ZFHX3: variants seen among roughly 807,000 people sequenced by gnomAD.
ZFHX3 encodes zinc finger homeobox protein 3.
ZFHX3 carries 42 observed loss-of-function variants against 279.1 expected under a neutral mutation model. That is an observed-to-expected ratio of 0.15 (90% CI 0.12 to 0.19). ZFHX3 has a LOEUF of 0.19. Ranked by LOEUF, ZFHX3 falls within the 10% of genes least tolerant of loss-of-function variation. ZFHX3 has a pLI of 1.00. For synonymous variants in ZFHX3, 2,293 were observed against 1,957.8 expected (o/e 1.17, Z -4.52); for missense variants, 4,981 against 4,754.0 (o/e 1.05, Z -1.40).
At chr16:73,497,654 A>G (rs7205290) in intron 2 of ZFHX3, among the ~76,000 whole-genome samples, 34,457 of 152,138 alleles carry the variant, frequency 0.23, 4,222 homozygotes, top group African/African-American at 0.32. Flanking sequence ...TGGGCAACAG[A>G]GCAAGACCCT....
chr16:72,792,624 G>GTATT (rs1211102978), intron 9 of ZFHX3, among the ~76,000 whole-genome samples: 1 of 152,112 alleles, frequency 6.6e-6, no homozygotes, highest in East Asian at 1.9e-4. Flanking sequence ...GGTAATTTTT[G>GTATT]TATTTTTAGT....
At chr16:73,442,018 G>A (rs1412129428) in intron 3 of ZFHX3, among the ~76,000 whole-genome samples, 1 of 152,122 alleles carries the variant, frequency 6.6e-6, no homozygotes, top group Non-Finnish European at 1.5e-5. Context: ...AGGACTCCAG[G>A]TCTCTCCCCT....
chr16:73,752,832 C>G (rs1406373882), intron 1 of ZFHX3, among the ~76,000 whole-genome samples: 1 of 152,212 alleles, frequency 6.6e-6, no homozygotes, highest in African/African-American at 2.4e-5. Context: ...CTAGTATGGA[C>G]ACTCTTTCAG....
At chr16:73,333,627 G>C (rs1047957240) in intron 3 of ZFHX3, among the ~76,000 whole-genome samples, 6 of 151,930 alleles carry the variant, frequency 3.9e-5, no homozygotes, top group Non-Finnish European at 2.9e-5. Flanking sequence ...GGATGTGTGG[G>C]GTAGTCAGAA....
At chr16:73,659,446 A>T (rs1029163365) in intron 2 of ZFHX3, among the ~76,000 whole-genome samples, 4 of 126,066 alleles carry the variant, frequency 3.2e-5, no homozygotes, top group African/African-American at 1.2e-4. Context: ...CTCTGAGAAG[A>T]ACGGTAGCTT....
At chr16:73,070,910 C>T (rs935325296) in intron 8 of ZFHX3, among the ~76,000 whole-genome samples, 3 of 114,702 alleles carry the variant, frequency 2.6e-5, no homozygotes, top group African/African-American at 1.0e-4. Flanking sequence ...GTTCCTAGAC[C>T]GTCTTGCGCG....
intron 4 of ZFHX3, among the ~76,000 whole-genome samples, chr16:72,845,063 T>C (rs1892520669): frequency 6.6e-6 from 1 of 152,026 alleles, no homozygotes; most frequent in Non-Finnish European, 1.5e-5. Context: ...CCCCGGCAGG[T>C]TCCTGCTCCT....
At chr16:73,058,307 G>T (rs1442460144) in intron 1 of ZFHX3, among the ~76,000 whole-genome samples, 1 of 146,820 alleles carries the variant, frequency 6.8e-6, no homozygotes, top group South Asian at 2.1e-4. Flanking sequence ...GTTTGGCGTA[G>T]GGGGAAGGCG....
At chr16:73,805,325 C>T (rs927096484) in intron 1 of ZFHX3, among the ~76,000 whole-genome samples, 4 of 152,076 alleles carry the variant, frequency 2.6e-5, no homozygotes, top group African/African-American at 4.8e-5. Context: ...CCTGCCACTA[C>T]GCCTGGCTAA....
intron 4 of ZFHX3, among the ~76,000 whole-genome samples, chr16:73,277,857 G>A (rs2014342083): frequency 1.3e-5 from 2 of 152,174 alleles, no homozygotes. Context: ...CAATCATGGT[G>A]GAAGGCAAAG....
At chr16:73,144,641 C>T (rs1034694604) in intron 5 of ZFHX3, among the ~76,000 whole-genome samples, 2 of 152,166 alleles carry the variant, frequency 1.3e-5, no homozygotes, top group African/African-American at 4.8e-5. Flanking sequence ...TCCTACTCCA[C>T]GTATTCAGAC....
intron 3 of ZFHX3, among the ~76,000 whole-genome samples, chr16:72,892,511 T>G (rs1597352896): frequency 1.2e-5 from 1 of 82,852 alleles, no homozygotes; most frequent in Non-Finnish European, 2.7e-5. Context: ...TATTTATTGG[T>G]TTTTTTTTTT....
chr16:73,783,040 G>A (rs750089421), intron 1 of ZFHX3, among the ~76,000 whole-genome samples: 29 of 152,248 alleles, frequency 1.9e-4, no homozygotes, highest in Middle Eastern at 6.8e-3. Flanking sequence ...AGTTGCCAGA[G>A]AGAGAGGGGG....
At chr16:73,665,663 T>G (rs966037994) in intron 2 of ZFHX3, among the ~76,000 whole-genome samples, 2 of 151,804 alleles carry the variant, frequency 1.3e-5, no homozygotes, top group Non-Finnish European at 2.9e-5. Flanking sequence ...GATATCTGCT[T>G]TACTAAGATA....
rs76350006 is a variant in ZFHX3 at position 73,520,021 on chromosome 16, G to T, written c.-1546-63763C>A. Among the ~76,000 whole-genome samples, 8 of 152,254 alleles carry T rather than the reference G, an allele frequency of 5.3e-5. No homozygotes were observed. In the East Asian group the frequency reaches 1.4e-3, roughly 26 times the overall value. Reference sequence around the variant, plus strand: ...GCAGATCACATATTTAAAGATAAAAGAATGTATGGAAACTGCTGCCATTTG... The same window carrying T: ...GCAGATCACATATTTAAAGATAAAATAATGTATGGAAACTGCTGCCATTTG... On this transcript the variant is annotated intron_variant, in intron 2 of 17. Transcript: ENST00000641206.
chr16:73,767,473 T>C (rs9635577), intron 1 of ZFHX3, among the ~76,000 whole-genome samples: 44,612 of 152,042 alleles, frequency 0.29, 7,090 homozygotes, highest in East Asian at 0.59. Flanking sequence ...TTGGAGATTA[T>C]CCTTACTGTT....
At chr16:73,313,919 G>A (rs2015386722) in intron 4 of ZFHX3, among the ~76,000 whole-genome samples, 1 of 152,142 alleles carries the variant, frequency 6.6e-6, no homozygotes, top group Non-Finnish European at 1.5e-5. Context: ...ACCAGCTTGG[G>A]TAACGTGGGG....
chr16:72,809,130 C>A (rs1401798191), intron 7 of ZFHX3, among the ~76,000 whole-genome samples: 1 of 152,138 alleles, frequency 6.6e-6, no homozygotes, highest in Non-Finnish European at 1.5e-5. Flanking sequence ...GAAAATATGA[C>A]AAACAATGAA....
chr16:73,873,162 G>T (rs1254132139), intron 1 of ZFHX3, among the ~76,000 whole-genome samples: 1 of 69,030 alleles, frequency 1.4e-5, no homozygotes, highest in African/African-American at 6.1e-5. Context: ...TGGGTGGTGG[G>T]TGGTGGTGGG....
Sources: gnomAD v4.1 joint callset for allele counts (sites outside exome capture counted in the v4.1 genomes callset) on GRCh38, gnomAD v4.1.1 for gene constraint, MANE v1.5 for transcripts, NCBI Gene and HGNC (gene_info 2026-07-23, HGNC 2026-07-21) for gene names.